The following LRRC74A variants were observed in gnomAD, a reference collection of about 807,000 sequenced individuals.
LRRC74A encodes the protein leucine-rich repeat-containing protein 74A.
LRRC74A carries 44 observed loss-of-function variants against 57.9 expected under a neutral mutation model. That is an observed-to-expected ratio of 0.76 (90% CI 0.60 to 0.98). The LOEUF (loss-of-function observed/expected upper bound fraction) is 0.98. LRRC74A is among the 50% of genes least tolerant of loss of function. The pLI, the probability that LRRC74A is intolerant of heterozygous loss-of-function variation, is 0.00. For synonymous variants in LRRC74A, 211 were observed against 219.4 expected (o/e 0.96, Z 0.34); for missense variants, 572 against 574.0 (o/e 1.00, Z 0.04).
At chr14:76,866,998 GGT>G (rs2140315584) in intron 12 of LRRC74A, among the ~76,000 whole-genome samples, 1 of 75,526 alleles carries the variant, frequency 1.3e-5, no homozygotes, top group Non-Finnish European at 2.6e-5. Flanking sequence ...GTGTGTGTGT[GGT>G]AGTGTGGGGG....
chr14:76,828,155 C>T (rs1479557857), intron 1 of LRRC74A, 136 bp from the exon 2 acceptor site: 1 of 1,169,822 alleles, frequency 8.5e-7, no homozygotes, highest in Non-Finnish European at 1.2e-6. Flanking sequence ...GTGGACTTGC[C>T]CTGGCAGGGC....
chr14:76,844,418 T>C lies in LRRC74A; in HGVS notation c.545-5T>C. 2 of 1,612,264 alleles carry C rather than the reference T, an allele frequency of 1.2e-6. No individual in the cohort carries two copies. The highest frequency in any genetic ancestry group is 4.5e-5 in the East Asian group (2 of 44,832). ...TGCATCACTGACACACCACCCTCAC[T>C]ACAGGAAATGACTTCAAGGAAGACT... On this transcript the variant is annotated splice_polypyrimidine_tract_variant and splice_region_variant and intron_variant, in intron 5 of 13. Transcript: ENST00000689127.
At chr14:76,867,222 GTGGTAGTGTGTGT>G (rs1898979980) in intron 12 of LRRC74A, 121 bp from the exon 13 acceptor site, 3 of 394,212 alleles carry the variant, frequency 7.6e-6, no homozygotes, top group African/African-American at 3.3e-5. Context: ...GTGTGTGTGT[GTGGTAGTGTGTGT>G]GGGGGTGTGT....
At chr14:76,842,686 T>TTCAC (rs1310063626) in intron 5 of LRRC74A, among the ~76,000 whole-genome samples, 1 of 149,126 alleles carries the variant, frequency 6.7e-6, no homozygotes, top group Non-Finnish European at 1.5e-5. Flanking sequence ...CATTCATTCA[T>TTCAC]TCACTCACTT....
chr14:76,851,498 C>G (rs1226223286), intron 7 of LRRC74A, among the ~76,000 whole-genome samples: 1 of 152,102 alleles, frequency 6.6e-6, no homozygotes, highest in Non-Finnish European at 1.5e-5. Flanking sequence ...GCTGGGACTA[C>G]AGGTGTGTGC....
rs182417708 is a variant in LRRC74A at position 76,837,941 on chromosome 14, A to G, written c.514A>G (p.Ser172Gly). 1 of 1,583,782 alleles carries G rather than the reference A, an allele frequency of 6.3e-7. No individual in the cohort carries two copies. Among genetic ancestry groups the G allele is most frequent in the African/African-American group, 1.3e-5 (1 of 74,460 alleles). ...CATCTCAGATTTCTTTGAGAGAAAC[A>G]GTTCTTCTATCTGGAGCCTTGAGCT... ...RIISDFFERN[S>G]SSIWSLELSG... The change falls in exon 5 of 14, where the codon AGT (serine) becomes GGT (glycine). Residue 172 changes from serine (S) to glycine (G), a missense_variant. Ser to Gly is a moderately conservative substitution (Grantham distance 56). Transcript: ENST00000689127.
At chr14:76,833,750 C>T (rs1034519098) in intron 3 of LRRC74A, among the ~76,000 whole-genome samples, 15 of 151,980 alleles carry the variant, frequency 9.9e-5, no homozygotes, top group Non-Finnish European at 2.2e-4. Flanking sequence ...GGCAACATTA[C>T]TTTTATGATA....
rs1400485291 is a variant in LRRC74A at position 76,870,239 on chromosome 14, C to A, written c.*90C>A. The A allele has an allele frequency of 1.5e-6, 2 of 1,375,874 alleles. No homozygotes were observed. The highest frequency in any genetic ancestry group is 2.0e-6 in the Non-Finnish European group (2 of 985,172). 85.2% of individuals were successfully genotyped at this position (1,375,874 alleles called of 1,614,324 possible). A position where few individuals can be genotyped will look rare whatever the true frequency, so the allele number is the denominator to read the frequency against. ...GAGGAGAGCAAGAGGTGGCTGAAAT[C>A]TCGATGGACAGATGCTGTGGCAGGG... is the stretch of plus-strand genomic sequence containing the variant. On this transcript the variant is annotated 3_prime_UTR_variant, in exon 14 of 14. Coordinates refer to ENST00000689127, the MANE Select transcript of LRRC74A (RefSeq NM_001385106.1).
At chr14:76,853,443 G>A (rs1475827847) in intron 9 of LRRC74A, 33 bp downstream of exon 9, 14 of 1,445,290 alleles carry the variant, frequency 9.7e-6, no homozygotes, top group Non-Finnish European at 1.3e-5. Context: ...GTGTGTGTGT[G>A]TGTGTGTGTG....
chr14:76,839,398 C>A (rs968823216), intron 5 of LRRC74A, among the ~76,000 whole-genome samples: 2 of 152,188 alleles, frequency 1.3e-5, no homozygotes, highest in Admixed American at 1.3e-4. Flanking sequence ...AGTCACAGTG[C>A]TTGGGTTCAA....
chr14:76,829,975 A>G (rs780165715), intron 2 of LRRC74A, among the ~76,000 whole-genome samples: 3 of 152,152 alleles, frequency 2.0e-5, no homozygotes, highest in Non-Finnish European at 4.4e-5. Flanking sequence ...CCAAGGGGAC[A>G]TTGGGCAAAC....
intron 7 of LRRC74A, among the ~76,000 whole-genome samples, chr14:76,851,041 A>C (rs1052692457): frequency 4.6e-5 from 7 of 152,212 alleles, no homozygotes; most frequent in African/African-American, 1.4e-4. Flanking sequence ...TAATGTGTTT[A>C]AATAGGATGT....
chr14:76,840,365 C>G (rs1161959087), intron 5 of LRRC74A, among the ~76,000 whole-genome samples: 1 of 152,016 alleles, frequency 6.6e-6, no homozygotes, highest in Non-Finnish European at 1.5e-5. Context: ...ACTCTTAGCT[C>G]TCTAATATAT....
intron 11 of LRRC74A, among the ~76,000 whole-genome samples, chr14:76,864,223 G>A (rs1315391599): frequency 6.6e-6 from 1 of 152,136 alleles, no homozygotes. Context: ...ATGGAGAACT[G>A]GAAATGTAGC....
chr14:76,833,272 G>A lies in LRRC74A; in HGVS notation c.339+1897G>A, dbSNP rs115231647. Among the ~76,000 whole-genome samples the A allele has an allele frequency of 3.8e-3, 575 of 152,096 alleles. 4 individuals carry two copies. The highest frequency in any genetic ancestry group is 0.013 in the African/African-American group (545 of 41,466). On this transcript the variant is annotated intron_variant, in intron 3 of 13. Transcript: ENST00000689127. ...ATGTCTATTCAGTTATGAAATACAT[G>A]GCAAGCTCCAAAAAGTCTTGAAATA...
intron 4 of LRRC74A, among the ~76,000 whole-genome samples, chr14:76,836,785 C>T (rs1268271761): frequency 1.1e-4 from 11 of 98,188 alleles, no homozygotes; most frequent in Middle Eastern, 0.014. Flanking sequence ...GAATGAGACT[C>T]CATCTCAAAA....
rs1284084894 is a variant in LRRC74A at position 76,831,184 on chromosome 14, A to G, written c.167-19A>G. On this transcript the variant is annotated intron_variant, in intron 2 of 13. Coordinates refer to ENST00000689127, the MANE Select transcript of LRRC74A (RefSeq NM_001385106.1). ...AAAGGTGGAAGAGAAATCCTACTTC[A>G]GCCCATCTTTCTCTGCAGATGATGA... The G allele has an allele frequency of 1.2e-6, 2 of 1,613,324 alleles. No individual in the cohort carries two copies. Among genetic ancestry groups the G allele is most frequent in the Admixed American group, 1.7e-5 (1 of 59,984 alleles).
At chr14:76,826,767 C>A (rs771738701) in intron 1 of LRRC74A, 33 bp downstream of exon 1, 8 of 1,410,344 alleles carry the variant, frequency 5.7e-6, no homozygotes, top group Non-Finnish European at 6.7e-6. Flanking sequence ...ACCACTCAGG[C>A]CCGTCCCTGC....
chr14:76,843,533 A>T (rs1896921948), intron 5 of LRRC74A, among the ~76,000 whole-genome samples: 1 of 152,012 alleles, frequency 6.6e-6, no homozygotes, highest in African/African-American at 2.4e-5. Flanking sequence ...CTGGGGGTTG[A>T]TGCTGCTAAT....
Sources: allele counts gnomAD v4.1 joint callset (sites outside exome capture counted in the v4.1 genomes callset), GRCh38; gene constraint gnomAD v4.1.1; transcripts MANE v1.5; gene names NCBI Gene and HGNC (gene_info 2026-07-23, HGNC 2026-07-21).